The following GALNT18 variants were observed in gnomAD, a reference collection of about 807,000 sequenced individuals.
The protein encoded by GALNT18 is GalNAc-transferase 18.
Under a neutral mutation model 69.5 loss-of-function variants are expected in GALNT18, and 44 were observed. The ratio of observed to expected loss-of-function variants is 0.63; its 90% CI spans 0.50 to 0.81. GALNT18 has a LOEUF of 0.81. GALNT18 is among the 40% of genes least tolerant of loss of function. GALNT18 has a pLI of 0.00. For missense variants in GALNT18, 715 were observed against 810.0 expected (o/e 0.88, Z 1.42); for synonymous variants, 364 against 318.2 (o/e 1.14, Z -1.53).
intron 2 of GALNT18, among the ~76,000 whole-genome samples, chr11:11,448,452 C>T (rs200380343): frequency 2.0e-4 from 30 of 152,194 alleles, no homozygotes; most frequent in Non-Finnish European, 2.2e-4. Context: ...GTTAAAATGA[C>T]GTATTAACAG....
chr11:11,298,706 A>G (rs1054332860), intron 9 of GALNT18, among the ~76,000 whole-genome samples: 5 of 152,262 alleles, frequency 3.3e-5, no homozygotes, highest in Non-Finnish European at 5.9e-5. Flanking sequence ...GTGGGGTTCT[A>G]GAGCCCCTCT....
chr11:11,321,625 T>C (rs1022888300), intron 9 of GALNT18, among the ~76,000 whole-genome samples: 1 of 152,140 alleles, frequency 6.6e-6, no homozygotes, highest in African/African-American at 2.4e-5. Flanking sequence ...TTTTTTGAGA[T>C]GGAGTCTCAC....
chr11:11,459,219 G>A lies in GALNT18; in HGVS notation c.236-10283C>T, dbSNP rs1036856469. ...CTAGAGTTGCATTCAAACATGAGCC[G>A]AAGGTCTTTTGCCAATGGTCCCCAC... On this transcript the variant is annotated intron_variant, in intron 1 of 10. Coordinates refer to ENST00000227756, the MANE Select transcript of GALNT18 (RefSeq NM_198516.3). This position sits in a 1 kb window ranked among gnomAD's most constrained non-coding sequence, Gnocchi z 5.0. 1.3e-5 allele frequency among the ~76,000 whole-genome samples: 2 copies of A among 152,192 alleles called. No homozygotes were observed. Among genetic ancestry groups the A allele is most frequent in the South Asian group, 4.2e-4 (2 of 4,806 alleles).
Position 11,332,133 on chromosome 11 carries a change from T to C in GALNT18, c.1416+561A>G, listed in dbSNP as rs1257134283. Among the ~76,000 whole-genome samples, 1 of 152,116 alleles carries C rather than the reference T, an allele frequency of 6.6e-6. No homozygotes were observed. The highest frequency in any genetic ancestry group is 1.9e-4 in the East Asian group (1 of 5,176). Reference sequence around the variant, plus strand: ...CTGGTTAAGATTTGAACCAGGTCTGTCTAACTCCAAACCCTATGCTCTGCC... The same window carrying C: ...CTGGTTAAGATTTGAACCAGGTCTGCCTAACTCCAAACCCTATGCTCTGCC... On this transcript the variant is annotated intron_variant, in intron 8 of 10. Coordinates refer to ENST00000227756, the MANE Select transcript of GALNT18 (RefSeq NM_198516.3). This position sits in a 1 kb window ranked among gnomAD's most constrained non-coding sequence, Gnocchi z 4.3.
Position 11,307,618 on chromosome 11 carries a change from AG to A in GALNT18, c.1513-14426del, listed in dbSNP as rs544046175. Among the ~76,000 whole-genome samples the A allele has an allele frequency of 3.4e-3, 521 of 152,292 alleles. 3 individuals carry two copies. Among genetic ancestry groups the A allele is most frequent in the Non-Finnish European group, 5.5e-3 (371 of 68,040 alleles). Reference sequence around the variant, plus strand: ...TGCTTCTTCAAGAGGAAAGAAGGAAAGGTTCTGATGCTACCCCTTTCCACAT... The same window carrying A: ...TGCTTCTTCAAGAGGAAAGAAGGAAAGTTCTGATGCTACCCCTTTCCACAT... On this transcript the variant is annotated intron_variant, in intron 9 of 10. Coordinates refer to ENST00000227756, the MANE Select transcript of GALNT18 (RefSeq NM_198516.3).
intron 3 of GALNT18, among the ~76,000 whole-genome samples, chr11:11,399,433 G>C (rs1388409382): frequency 1.3e-5 from 2 of 152,042 alleles, no homozygotes; most frequent in East Asian, 3.8e-4. Flanking sequence ...TTGAGTGCCT[G>C]TGTCAAAAAA....
intron 9 of GALNT18, among the ~76,000 whole-genome samples, chr11:11,325,444 T>A (rs1324254531): frequency 6.6e-6 from 1 of 152,024 alleles, no homozygotes; most frequent in Non-Finnish European, 1.5e-5. Context: ...TACTAAAATT[T>A]CAGCAATCAC....
At chr11:11,412,678 TAA>T (rs1408412176) in intron 3 of GALNT18, among the ~76,000 whole-genome samples, 1 of 152,238 alleles carries the variant, frequency 6.6e-6, no homozygotes, top group Admixed American at 6.5e-5. Flanking sequence ...ATGCAGTTTT[TAA>T]AAGTGTCAAA....
intron 1 of GALNT18, among the ~76,000 whole-genome samples, chr11:11,492,567 A>T (rs1316157524): frequency 2.0e-5 from 3 of 152,230 alleles, no homozygotes; most frequent in Non-Finnish European, 4.4e-5. Context: ...TTGTGCAGCC[A>T]TAAAAAAGAA....
In GALNT18 at chr11:11,340,749, C is replaced by T. The variant is rs547946802; in HGVS notation, c.1278+70G>A. 799 of 1,427,070 alleles carry T rather than the reference C, an allele frequency of 5.6e-4. 2 individuals carry two copies. The highest frequency in any genetic ancestry group is 6.6e-4 in the Non-Finnish European group (693 of 1,044,604). 88.4% of individuals were successfully genotyped at this position (1,427,070 alleles called of 1,614,324 possible). A position where few individuals can be genotyped will look rare whatever the true frequency, so the allele number is the denominator to read the frequency against. On this transcript the variant is annotated intron_variant, in intron 7 of 10. Transcript: ENST00000227756. The surrounding 1 kb of genome is among the most constrained non-coding windows in gnomAD (Gnocchi z 4.2). ...TGGCTGACCCATAGGAAGAAGGGTT[C>T]GGTCCCATATCTTGTTTTGTTTGTT... is the stretch of plus-strand genomic sequence containing the variant.
At chr11:11,545,352 C>T (rs1320334193) in intron 1 of GALNT18, among the ~76,000 whole-genome samples, 6 of 152,252 alleles carry the variant, frequency 3.9e-5, no homozygotes, top group Non-Finnish European at 7.3e-5. Flanking sequence ...ATCCTGCTAG[C>T]AGGCAAGGAC....
At chr11:11,407,438 G>T (rs970105217) in intron 3 of GALNT18, among the ~76,000 whole-genome samples, 2 of 152,214 alleles carry the variant, frequency 1.3e-5, no homozygotes, top group Non-Finnish European at 2.9e-5. Context: ...AGCCACCACC[G>T]CTGAGACACA....
chr11:11,567,891 C>T (rs192933746), intron 1 of GALNT18, among the ~76,000 whole-genome samples: 2 of 152,316 alleles, frequency 1.3e-5, no homozygotes, highest in East Asian at 3.9e-4. Flanking sequence ...CACCCCAAAA[C>T]ACCCATTCTG....
chr11:11,593,384 T>C (rs184763852), intron 1 of GALNT18, among the ~76,000 whole-genome samples: 12 of 152,300 alleles, frequency 7.9e-5, no homozygotes, highest in African/African-American at 2.6e-4. Context: ...AAAAAATCTA[T>C]GAGGTGAGAA....
chr11:11,536,936 AT>A (rs1234347581), intron 1 of GALNT18, among the ~76,000 whole-genome samples: 1 of 152,222 alleles, frequency 6.6e-6, no homozygotes, highest in Admixed American at 6.5e-5. Context: ...TTCTTATTTA[AT>A]TTCCTGAAGT....
In GALNT18 at chr11:11,497,346, A is replaced by G. The variant is rs1025172926; in HGVS notation, c.236-48410T>C. Among the ~76,000 whole-genome samples, 4 of 150,682 alleles carry G rather than the reference A, an allele frequency of 2.7e-5. No homozygotes were observed. The highest frequency in any genetic ancestry group is 7.3e-5 in the African/African-American group (3 of 40,994). ...GTCTCCAACACACACACACACACAC[A>G]CACACACACACACACACACACACAC... On this transcript the variant is annotated intron_variant, in intron 1 of 10. Transcript: ENST00000227756. The surrounding 1 kb of genome is among the most constrained non-coding windows in gnomAD (Gnocchi z 4.2).
intron 1 of GALNT18, among the ~76,000 whole-genome samples, chr11:11,464,635 T>C (rs1856117249): frequency 6.6e-6 from 1 of 152,242 alleles, no homozygotes; most frequent in African/African-American, 2.4e-5. Flanking sequence ...TTTGGCATTG[T>C]AAATAAAATG....
chr11:11,597,296 T>A (rs527343252), intron 1 of GALNT18, among the ~76,000 whole-genome samples: 2 of 152,358 alleles, frequency 1.3e-5, no homozygotes, highest in East Asian at 3.9e-4. Flanking sequence ...AGGGTTACAC[T>A]GGCTTCATAA....
rs115109418 is a variant in GALNT18, at chr11:11,287,419, A to T, written c.1677+5610T>A. On this transcript the variant is annotated intron_variant, in intron 10 of 10. Transcript: ENST00000227756. ...TTGAAGGTGGAGAGGTGGCCTTGTTACTACCGAGAGTCAGTCCTCTGCTTT... is the reference window on the plus strand; with the variant it reads ...TTGAAGGTGGAGAGGTGGCCTTGTTTCTACCGAGAGTCAGTCCTCTGCTTT... Among the ~76,000 whole-genome samples, 688 of 152,304 alleles carry T rather than the reference A, an allele frequency of 4.5e-3. 11 individuals carry two copies. Among genetic ancestry groups the T allele is most frequent in the African/African-American group, 0.016 (655 of 41,562 alleles).
Sources: allele counts gnomAD v4.1 joint callset (sites outside exome capture counted in the v4.1 genomes callset), GRCh38; gene constraint gnomAD v4.1.1; non-coding constraint Gnocchi (gnomAD v3.1); transcripts MANE v1.5; gene names NCBI Gene and HGNC (gene_info 2026-07-23, HGNC 2026-07-21).